Variants in A1CF observed in about 807,000 individuals in gnomAD.
A1CF encodes APOBEC-1 stimulating protein.
Under a neutral mutation model 68.9 loss-of-function variants are expected in A1CF, and 48 were observed. The observed-to-expected ratio is 0.70, with a 90% CI of 0.55 to 0.89. The LOEUF (loss-of-function observed/expected upper bound fraction) is 0.89, where lower values mean the gene tolerates loss of function less well. Among genes scored for constraint, A1CF ranks in the 40% least tolerant of loss-of-function variants. The probability of loss-of-function intolerance (pLI) is 0.00; values close to 1 mark genes in which losing one functional copy is unlikely to be tolerated. For missense variants in A1CF, 653 were observed against 718.9 expected, an observed-to-expected ratio of 0.91 and a Z score of 1.05; for synonymous variants, 272 against 260.4, an observed-to-expected ratio of 1.04 and a Z score of -0.43.
At position 50,836,058 on chromosome 10, in the gene A1CF, G is replaced by A; in HGVS notation, c.604+16C>T. ...ATAGGCAGAGAAGTCTCATCTTTGA[G>A]GAGGGGATTGCTAACCTGGTAGCAG... is the stretch of plus-strand genomic sequence containing the variant. On this transcript the variant is annotated intron_variant, in intron 6 of 12. Coordinates refer to ENST00000373997, the MANE Select transcript of A1CF (RefSeq NM_014576.4). The A allele has an allele frequency of 6.3e-7, 1 of 1,578,722 alleles. No individual in the cohort carries two copies. Among genetic ancestry groups the A allele is most frequent in the South Asian group, 1.2e-5 (1 of 85,248 alleles).
intron 3 of A1CF, among the ~76,000 whole-genome samples, chr10:50,844,502 C>T (rs1589010985): frequency 1.3e-5 from 2 of 151,968 alleles, no homozygotes; most frequent in Admixed American, 1.3e-4. Flanking sequence ...GTGTTGGGAA[C>T]ACAAGGAATA....
At position 50,836,151 on chromosome 10, in the gene A1CF, G is replaced by T; in HGVS notation, c.527C>A (p.Thr176Asn). 1 of 1,613,826 alleles carries T rather than the reference G, an allele frequency of 6.2e-7. No homozygotes were observed. Among genetic ancestry groups the T allele is most frequent in the Non-Finnish European group, 8.5e-7 (1 of 1,179,844 alleles). Reference protein sequence around the residue: ...VIVYPSAADKTKNRGFAFVEY... With the variant: ...VIVYPSAADKNKNRGFAFVEY... ...CACGAAGGCAAAGCCTCGGTTTTTG[G>T]TTTTATCTGCAGCGCTTGGGTAGAC... Residue 176 changes from threonine to asparagine, a missense_variant, in exon 6 of 13, where the codon ACC (threonine) becomes AAC (asparagine). Physicochemically the swap from Thr to Asn is moderately conservative, Grantham distance 65 (BLOSUM62 0). Transcript: ENST00000373997.
At chr10:50,876,141 T>C (rs1841501059) in intron 1 of A1CF, among the ~76,000 whole-genome samples, 1 of 152,232 alleles carries the variant, frequency 6.6e-6, no homozygotes, top group African/African-American at 2.4e-5. Flanking sequence ...GTCTATTCCA[T>C]CAGATCTTGG....
chr10:50,806,848 A>G lies in A1CF; in HGVS notation c.1642T>C (p.Ser548Pro), dbSNP rs1307568922. ...YAVPNATAPV[S>P]AAQLKQAVTL... ...ACCGCTTGCTTGAGCTGGGCTGCAGACACGGGTGCAGTTGCATTAGGGACA... is the reference window on the plus strand; with the variant it reads ...ACCGCTTGCTTGAGCTGGGCTGCAGGCACGGGTGCAGTTGCATTAGGGACA... The change falls in exon 13 of 13, where the codon TCT becomes CCT. Residue 548 changes from serine (S) to proline (P), a missense_variant. Physicochemically the swap from Ser to Pro is moderately conservative, Grantham distance 74. Transcript: ENST00000373997. 2 of 1,613,072 alleles carry G rather than the reference A, an allele frequency of 1.2e-6. No homozygotes were observed. The highest frequency in any genetic ancestry group is 2.2e-5 in the East Asian group (1 of 44,856).
rs570657442 is a variant in A1CF at position 50,818,711 on chromosome 10, G to T, written c.867+1841C>A. 6.6e-4 allele frequency among the ~76,000 whole-genome samples: 100 copies of T among 152,274 alleles called. 1 individual carries two copies. Among genetic ancestry groups the T allele is most frequent in the African/African-American group, 2.3e-3 (97 of 41,564 alleles). On this transcript the variant is annotated intron_variant, in intron 8 of 12. Coordinates refer to ENST00000373997, the MANE Select transcript of A1CF (RefSeq NM_014576.4). The stretch of plus-strand genomic sequence containing the variant: ...TTTATAGACATGTATTTATGCATTA[G>T]TTTTTCTTTGCAGTTTTCTTTTTTG...
intron 1 of A1CF, among the ~76,000 whole-genome samples, chr10:50,869,033 G>A (rs1841130214): frequency 6.6e-6 from 1 of 151,970 alleles, no homozygotes; most frequent in Admixed American, 6.6e-5. Context: ...ATAACTAGTG[G>A]GTACTAGGCT....
chr10:50,806,962 C>A, intron 12 of A1CF, 82 bp from the exon 13 acceptor site: 2 of 1,400,806 alleles, frequency 1.4e-6, no homozygotes, highest in Non-Finnish European at 9.7e-7. Flanking sequence ...TTTAGAAATA[C>A]GAACATTTAA....
intron 5 of A1CF, among the ~76,000 whole-genome samples, chr10:50,836,782 A>C (rs931386351): frequency 6.8e-6 from 1 of 147,890 alleles, no homozygotes; most frequent in Non-Finnish European, 1.5e-5. Context: ...GAGTGAGAAC[A>C]TGCAGTGTTT....
Position 50,845,963 on chromosome 10 carries a change from A to AC in A1CF, c.100-1842_100-1841insG, listed in dbSNP as rs1232200580. Among the ~76,000 whole-genome samples, 5 of 152,194 alleles carry AC rather than the reference A, an allele frequency of 3.3e-5. No individual in the cohort carries two copies. The East Asian group carries it at 7.7e-4, about 23-fold the overall frequency. ...AGCAAGACTCTGTCTCAAAAAAAAAAAAAAAACTCCTTATTTATGAAAAAA... is the reference window on the plus strand; with the variant it reads ...AGCAAGACTCTGTCTCAAAAAAAAAACAAAAAACTCCTTATTTATGAAAAAA... On this transcript the variant is annotated intron_variant, in intron 3 of 12. Transcript: ENST00000373997.
In A1CF at chr10:50,831,723, C is replaced by T. The variant is rs145419164; in HGVS notation, c.605-3428G>A. Among the ~76,000 whole-genome samples, 1,298 of 152,104 alleles carry T rather than the reference C, an allele frequency of 8.5e-3. 15 individuals carry two copies. The highest frequency in any genetic ancestry group is 0.03 in the African/African-American group (1,232 of 41,514). Reference sequence around the variant, plus strand: ...AGCCTGGGCAATAAGAGTGAAACTCCGTCTCAAAAATAAAAAACAAAAACA... The same window carrying T: ...AGCCTGGGCAATAAGAGTGAAACTCTGTCTCAAAAATAAAAAACAAAAACA... On this transcript the variant is annotated intron_variant, in intron 6 of 12. Transcript: ENST00000373997.
At chr10:50,884,999 A>G (rs1841939905) in intron 1 of A1CF, among the ~76,000 whole-genome samples, 1 of 152,174 alleles carries the variant, frequency 6.6e-6, no homozygotes, top group Admixed American at 6.5e-5. Flanking sequence ...TTTCCATAAT[A>G]TTTTTTTGGT....
intron 3 of A1CF, among the ~76,000 whole-genome samples, chr10:50,846,753 C>G (rs1840017855): frequency 6.6e-6 from 1 of 152,124 alleles, no homozygotes; most frequent in Non-Finnish European, 1.5e-5. Flanking sequence ...TGCTTACAAT[C>G]TGAAATAACT....
chr10:50,817,729 G>T (rs1453874205), intron 8 of A1CF, among the ~76,000 whole-genome samples: 1 of 152,152 alleles, frequency 6.6e-6, no homozygotes, highest in Non-Finnish European at 1.5e-5. Flanking sequence ...GAGATGTTTT[G>T]CATGGAATGA....
intron 11 of A1CF, 67 bp downstream of exon 11, chr10:50,810,973 C>T: frequency 6.7e-7 from 1 of 1,492,046 alleles, no homozygotes; most frequent in Non-Finnish European, 9.0e-7. Flanking sequence ...TAGATGGTGA[C>T]TAAATGCATT....
intron 7 of A1CF, among the ~76,000 whole-genome samples, chr10:50,821,153 C>A (rs1482683118): frequency 6.6e-6 from 1 of 152,112 alleles, no homozygotes; most frequent in Non-Finnish European, 1.5e-5. Flanking sequence ...ATTTAGAGTG[C>A]ACACAGAGAG....
chr10:50,872,808 G>T (rs901626764), intron 1 of A1CF, among the ~76,000 whole-genome samples: 7 of 152,030 alleles, frequency 4.6e-5, no homozygotes, highest in Non-Finnish European at 8.8e-5. Context: ...GGACCCAGCT[G>T]TCTGCTATGC....
chr10:50,834,680 C>T (rs141085906), intron 6 of A1CF, among the ~76,000 whole-genome samples: 1 of 152,136 alleles, frequency 6.6e-6, no homozygotes, highest in East Asian at 1.9e-4. Flanking sequence ...AGATTGAATT[C>T]CTACTATTTG....
At chr10:50,854,206 GA>G (rs1840376535) in intron 3 of A1CF, among the ~76,000 whole-genome samples, 1 of 151,814 alleles carries the variant, frequency 6.6e-6, no homozygotes, top group African/African-American at 2.4e-5. Flanking sequence ...CATCAGGCAA[GA>G]AAAACTTAGA....
rs1837787333 is a variant in A1CF at position 50,805,744 on chromosome 10, G to GT, written c.*984dup. ...GCATCTCTGATTGCTAGATGGTGGG[G>GT]TGGATACTGCAACAATATCAAAGAA... On this transcript the variant is annotated 3_prime_UTR_variant, in exon 13 of 13. Coordinates refer to ENST00000373997, the MANE Select transcript of A1CF (RefSeq NM_014576.4). The GT allele has an allele frequency of 6.6e-6, 1 of 152,190 alleles. No individual in the cohort carries two copies. The highest frequency in any genetic ancestry group is 2.4e-5 in the African/African-American group (1 of 41,458). The allele number at this position is 152,190 out of a possible 1,614,324, so 9.4% of individuals were successfully genotyped here.
Sources: allele counts gnomAD v4.1 joint callset (sites outside exome capture counted in the v4.1 genomes callset), GRCh38; gene constraint gnomAD v4.1.1; transcripts MANE v1.5; gene names NCBI Gene and HGNC (gene_info 2026-07-23, HGNC 2026-07-21).